CADPS2: variants seen among roughly 807,000 people sequenced by gnomAD.
CADPS2 encodes calcium dependent secretion activator 2.
CADPS2 carries 93 observed loss-of-function variants against 172.5 expected under a neutral mutation model. The ratio of observed to expected loss-of-function variants is 0.54; its 90% CI spans 0.46 to 0.64. CADPS2 has a LOEUF of 0.64. Ranked by LOEUF, CADPS2 falls within the 30% of genes least tolerant of loss-of-function variation. The pLI is 0.00. For synonymous variants in CADPS2, 546 were observed against 555.2 expected (o/e 0.98, Z 0.23); for missense variants, 1,420 against 1,565.9 (o/e 0.91, Z 1.57).
chr7:122,324,590 G>A (rs2033417936), intron 29 of CADPS2, among the ~76,000 whole-genome samples: 1 of 152,032 alleles, frequency 6.6e-6, no homozygotes, highest in Non-Finnish European at 1.5e-5. Flanking sequence ...ATGACACTTT[G>A]CAAACTACTG....
intron 1 of CADPS2, among the ~76,000 whole-genome samples, chr7:122,856,889 T>C (rs968105427): frequency 8.5e-5 from 13 of 152,204 alleles, no homozygotes; most frequent in Admixed American, 2.0e-4. Flanking sequence ...CTTAGTACTA[T>C]ATATATCAGC....
chr7:122,754,732 C>G (rs1188446436), intron 1 of CADPS2, among the ~76,000 whole-genome samples: 4 of 152,146 alleles, frequency 2.6e-5, no homozygotes, highest in African/African-American at 9.7e-5. Context: ...GCCTCGGCCT[C>G]CCAAAGTGCT....
At position 122,797,995 on chromosome 7, in the gene CADPS2, T is replaced by C. The variant is rs545982888; in HGVS notation, c.340-60927A>G. Among the ~76,000 whole-genome samples the C allele has an allele frequency of 3.3e-5, 5 of 152,148 alleles. No individual in the cohort carries two copies. In the East Asian group the frequency reaches 9.7e-4, roughly 29 times the overall value. On this transcript the variant is annotated intron_variant, in intron 1 of 29. Coordinates refer to ENST00000449022, the MANE Select transcript of CADPS2 (RefSeq NM_017954.11). ...TTAATATTTGTGTCAAGTTTTTTTG[T>C]GCAGGTTTTTTTTTTCAATGTTATA...
intron 9 of CADPS2, among the ~76,000 whole-genome samples, chr7:122,512,347 T>C (rs990418655): frequency 1.3e-5 from 2 of 152,168 alleles, no homozygotes; most frequent in Admixed American, 6.6e-5. Flanking sequence ...AATGAGATTT[T>C]TACAGAATGT....
intron 25 of CADPS2, among the ~76,000 whole-genome samples, chr7:122,365,745 C>G (rs868594845): frequency 6.6e-6 from 1 of 152,178 alleles, no homozygotes; most frequent in African/African-American, 2.4e-5. Context: ...CACCTAAAGT[C>G]TGCCTGGGTA....
At chr7:122,574,151 T>A (rs933204013) in intron 7 of CADPS2, among the ~76,000 whole-genome samples, 2 of 151,758 alleles carry the variant, frequency 1.3e-5, no homozygotes, top group Admixed American at 6.6e-5. Context: ...TAAAAAAAAA[T>A]GTGTATTTCT....
chr7:122,487,192 TAGA>T (rs1226199398), intron 11 of CADPS2, among the ~76,000 whole-genome samples: 1 of 151,870 alleles, frequency 6.6e-6, no homozygotes, highest in Non-Finnish European at 1.5e-5. Flanking sequence ...GCATTTTTTG[TAGA>T]TACAGGGTTT....
chr7:122,756,148 T>G (rs1332977786), intron 1 of CADPS2, among the ~76,000 whole-genome samples: 1 of 152,200 alleles, frequency 6.6e-6, no homozygotes, highest in Non-Finnish European at 1.5e-5. Context: ...CATTGAATAG[T>G]TACTGGTTAC....
chr7:122,843,539 C>A (rs994178921), intron 1 of CADPS2, among the ~76,000 whole-genome samples: 21 of 152,138 alleles, frequency 1.4e-4, no homozygotes, highest in African/African-American at 4.6e-4. Context: ...TGGACGGTAA[C>A]CCCAGCACAG....
At chr7:122,412,162 C>T (rs895388782) in intron 19 of CADPS2, among the ~76,000 whole-genome samples, 3 of 152,122 alleles carry the variant, frequency 2.0e-5, no homozygotes, top group African/African-American at 4.8e-5. Context: ...TGGTCAGAGG[C>T]TAATATAACT....
At chr7:122,594,623 T>A (rs1362660112) in intron 6 of CADPS2, among the ~76,000 whole-genome samples, 1 of 151,994 alleles carries the variant, frequency 6.6e-6, no homozygotes, top group Non-Finnish European at 1.5e-5. Context: ...TGGGAAAGTC[T>A]AGCAAGCCTG....
intron 1 of CADPS2, among the ~76,000 whole-genome samples, chr7:122,761,868 T>C (rs2093391920): frequency 6.7e-6 from 1 of 149,780 alleles, no homozygotes; most frequent in Non-Finnish European, 1.5e-5. Flanking sequence ...TGTGGTGGCA[T>C]GCACCGGTAA....
At chr7:122,375,700 G>A (rs1440698495) in intron 25 of CADPS2, among the ~76,000 whole-genome samples, 4 of 151,912 alleles carry the variant, frequency 2.6e-5, no homozygotes, top group South Asian at 2.1e-4. Flanking sequence ...GACATTGGCC[G>A]TAGCAATGAC....
intron 1 of CADPS2, among the ~76,000 whole-genome samples, chr7:122,749,389 C>T (rs2092853066): frequency 6.6e-6 from 1 of 152,066 alleles, no homozygotes; most frequent in African/African-American, 2.4e-5. Context: ...GGATAGGCAA[C>T]TAGCACTGCT....
At chr7:122,656,405 T>C (rs2079798846) in intron 3 of CADPS2, among the ~76,000 whole-genome samples, 1 of 152,058 alleles carries the variant, frequency 6.6e-6, no homozygotes, top group South Asian at 2.1e-4. Flanking sequence ...TCCAGCCCTC[T>C]TGACTCACGT....
intron 19 of CADPS2, among the ~76,000 whole-genome samples, chr7:122,411,074 C>T (rs983013177): frequency 1.3e-5 from 2 of 152,266 alleles, no homozygotes; most frequent in South Asian, 4.1e-4. Context: ...GCATATGGCA[C>T]ACTGCCTATC....
intron 25 of CADPS2, among the ~76,000 whole-genome samples, chr7:122,362,012 A>G (rs1355246098): frequency 6.6e-6 from 1 of 152,136 alleles, no homozygotes; most frequent in East Asian, 1.9e-4. Context: ...GGTTGTGGTG[A>G]GCTGAGATCA....
chr7:122,813,692 A>G (rs1800614711), intron 1 of CADPS2, among the ~76,000 whole-genome samples: 1 of 152,144 alleles, frequency 6.6e-6, no homozygotes, highest in South Asian at 2.1e-4. Context: ...CATTATTCTA[A>G]GGAAAAGCCT....
intron 2 of CADPS2, among the ~76,000 whole-genome samples, chr7:122,665,259 C>T (rs1164024461): frequency 6.6e-6 from 1 of 152,184 alleles, no homozygotes; most frequent in Non-Finnish European, 1.5e-5. Context: ...GGCTGGCATG[C>T]TCAACCACCT....
Sources: gnomAD v4.1 joint callset for allele counts (sites outside exome capture counted in the v4.1 genomes callset) on GRCh38, gnomAD v4.1.1 for gene constraint, MANE v1.5 for transcripts, NCBI Gene and HGNC (gene_info 2026-07-23, HGNC 2026-07-21) for gene names.